Variants in IFT56 observed in about 807,000 individuals in gnomAD.
IFT56 encodes intraflagellar transport protein 56.
the IFT56 span, among the ~76,000 whole-genome samples, chr7:139,142,771 G>A: frequency 1.3e-5 from 2 of 152,140 alleles, no homozygotes; most frequent in East Asian, 3.9e-4. Context: ...GGCGGGGGTT[G>A]CAGTGAGCCG....
chr7:139,172,903 GTCT>G, the IFT56 span: 21 of 709,868 alleles, frequency 3.0e-5, no homozygotes, highest in Non-Finnish European at 5.3e-5. Flanking sequence ...ATGCACGGGT[GTCT>G]TCTTTTCCAG....
the IFT56 span, chr7:139,181,272 A>G: frequency 2.6e-6 from 3 of 1,149,388 alleles, no homozygotes; most frequent in Non-Finnish European, 2.5e-6. Context: ...ATATTAGGGG[A>G]AAATGTCCTG....
At chr7:139,163,035 A>G in the IFT56 span, among the ~76,000 whole-genome samples, 6 of 151,214 alleles carry the variant, frequency 4.0e-5, no homozygotes, top group African/African-American at 9.7e-5. Flanking sequence ...TGCTTTACAC[A>G]GTATGCATTT....
chr7:139,152,977 C>T, the IFT56 span, among the ~76,000 whole-genome samples: 3 of 151,226 alleles, frequency 2.0e-5, no homozygotes, highest in South Asian at 2.1e-4. Flanking sequence ...AGTGAAACCC[C>T]GACTCTACTA....
chr7:139,187,916 T>C, the IFT56 span, among the ~76,000 whole-genome samples: 1 of 152,008 alleles, frequency 6.6e-6, no homozygotes, highest in Admixed American at 6.6e-5. Context: ...GTTTTTTGTT[T>C]TTTGCCTATT....
the IFT56 span, among the ~76,000 whole-genome samples, chr7:139,156,362 C>T: frequency 2.0e-5 from 3 of 150,312 alleles, no homozygotes; most frequent in East Asian, 5.9e-4. Context: ...TTTTCCCTTC[C>T]TCTGTTTGCT....
the IFT56 span, chr7:139,172,697 A>G: frequency 4.8e-6 from 3 of 622,840 alleles, no homozygotes; most frequent in Non-Finnish European, 9.4e-6. Flanking sequence ...TGGAAGTTTT[A>G]CAAACAATCG....
chr7:139,167,658 G>A, the IFT56 span, among the ~76,000 whole-genome samples: 7 of 152,082 alleles, frequency 4.6e-5, no homozygotes, highest in African/African-American at 1.7e-4. Context: ...TTGGAAAGGG[G>A]CCAGGAGTGG....
At chr7:139,163,596 T>G in the IFT56 span, among the ~76,000 whole-genome samples, 4 of 152,082 alleles carry the variant, frequency 2.6e-5, no homozygotes, top group African/African-American at 9.7e-5. Context: ...ACTTTTGAAG[T>G]GTGGCATTGA....
chr7:139,153,009 C>T, the IFT56 span, among the ~76,000 whole-genome samples: 1 of 151,800 alleles, frequency 6.6e-6, no homozygotes, highest in Non-Finnish European at 1.5e-5. Context: ...ATTAGCAGGG[C>T]GTGGCCACGT....
chr7:139,135,778 A>G, the IFT56 span, among the ~76,000 whole-genome samples: 1 of 152,198 alleles, frequency 6.6e-6, no homozygotes, highest in Admixed American at 6.5e-5. Flanking sequence ...GAGTTCTGAC[A>G]GCATGGTCTG....
At chr7:139,187,545 T>G in the IFT56 span, 1 of 1,614,008 alleles carries the variant, frequency 6.2e-7, no homozygotes, top group East Asian at 2.2e-5. Flanking sequence ...CCCAAGTAAG[T>G]AAACAGGCAA....
chr7:139,165,419 T>C, the IFT56 span, among the ~76,000 whole-genome samples: 2 of 152,292 alleles, frequency 1.3e-5, no homozygotes, highest in South Asian at 4.1e-4. Context: ...TCCTCTTCTG[T>C]CGCTTCCTAC....
At chr7:139,147,187 C>A in the IFT56 span, 3 of 1,613,416 alleles carry the variant, frequency 1.9e-6, no homozygotes, top group Admixed American at 1.7e-5. Flanking sequence ...TCAAAATCTT[C>A]AGGATGTCAC....
chr7:139,157,487 T>G, the IFT56 span, among the ~76,000 whole-genome samples: 3 of 149,670 alleles, frequency 2.0e-5, no homozygotes, highest in East Asian at 5.9e-4. Context: ...TGCTTTTTTT[T>G]GTATTGGATT....
At chr7:139,173,678 T>C in the IFT56 span, 1 of 772,806 alleles carries the variant, frequency 1.3e-6, no homozygotes, top group East Asian at 2.4e-5. Flanking sequence ...CATATTGGCA[T>C]GTGGCATAGC....
chr7:139,149,067 A>G, the IFT56 span, among the ~76,000 whole-genome samples: 1 of 152,024 alleles, frequency 6.6e-6, no homozygotes, highest in Non-Finnish European at 1.5e-5. Flanking sequence ...GCACTTTGGG[A>G]GGCTGAGGCA....
chr7:139,141,118 A>G, the IFT56 span, among the ~76,000 whole-genome samples: 43 of 151,576 alleles, frequency 2.8e-4, no homozygotes, highest in Non-Finnish European at 5.7e-4. Flanking sequence ...AAAATTAGCC[A>G]GGCGTGGTGG....
chr7:139,181,362 G>A, the IFT56 span, among the ~76,000 whole-genome samples: 1 of 152,214 alleles, frequency 6.6e-6, no homozygotes, highest in Non-Finnish European at 1.5e-5. Context: ...ACTGAACTCA[G>A]AGATAGGCAG....
Sources: allele counts gnomAD v4.1 joint callset (sites outside exome capture counted in the v4.1 genomes callset), GRCh38; gene constraint gnomAD v4.1.1; transcripts MANE v1.5; gene names NCBI Gene and HGNC (gene_info 2026-07-23, HGNC 2026-07-21).